IL5RA: variants seen among roughly 807,000 people sequenced by gnomAD.
IL5RA encodes interleukin-5 receptor subunit alpha.
IL5RA carries 49 observed loss-of-function variants against 50.0 expected under a neutral mutation model. The ratio of observed to expected loss-of-function variants is 0.98; its 90% CI spans 0.78 to 1.24. The LOEUF (loss-of-function observed/expected upper bound fraction) is 1.24. IL5RA is among the 50% of genes most tolerant of loss of function. The probability of loss-of-function intolerance (pLI) is 0.00; values close to 1 mark genes in which losing one functional copy is unlikely to be tolerated. For missense variants in IL5RA, 600 were observed against 500.4 expected (o/e 1.20, Z -1.90); for synonymous variants, 202 against 174.0 (o/e 1.16, Z -1.26).
At chr3:3,073,142 G>A (rs1271653424) in intron 11 of IL5RA, among the ~76,000 whole-genome samples, 1 of 152,190 alleles carries the variant, frequency 6.6e-6, no homozygotes, top group Non-Finnish European at 1.5e-5. Context: ...ACTTCAGTCA[G>A]CTAGTAACTG....
intron 11 of IL5RA, chr3:3,073,733 G>A (rs2125950417): frequency 2.3e-6 from 1 of 435,942 alleles, no homozygotes; most frequent in Non-Finnish European, 4.5e-6. Flanking sequence ...CAAATTAACT[G>A]ACAACTCAAC....
chr3:3,107,618 C>A (rs569910355), intron 2 of IL5RA, among the ~76,000 whole-genome samples: 1 of 144,532 alleles, frequency 6.9e-6, no homozygotes, highest in South Asian at 2.6e-4. Flanking sequence ...CAGAATGAAG[C>A]AACTATAGGT....
chr3:3,072,921 A>C (rs186376611), intron 11 of IL5RA, among the ~76,000 whole-genome samples: 1 of 152,254 alleles, frequency 6.6e-6, no homozygotes, highest in Non-Finnish European at 1.5e-5. Context: ...CAAACAAACA[A>C]AACCAGATGT....
chr3:3,074,914 T>A (rs756965599), intron 10 of IL5RA, 48 bp from the exon 11 acceptor site: 18 of 1,117,020 alleles, frequency 1.6e-5, no homozygotes, highest in Admixed American at 5.3e-5. Flanking sequence ...GTATACCTTT[T>A]GTCTCTAAAT....
intron 5 of IL5RA, among the ~76,000 whole-genome samples, chr3:3,099,680 T>TTATTA (rs1200858861): frequency 6.7e-6 from 1 of 149,574 alleles, no homozygotes; most frequent in Non-Finnish European, 1.5e-5. Flanking sequence ...ATTATTATTA[T>TTATTA]TATTATTTGG....
intron 3 of IL5RA, among the ~76,000 whole-genome samples, chr3:3,104,390 G>T (rs148584952): frequency 7.9e-5 from 12 of 152,146 alleles, no homozygotes; most frequent in Non-Finnish European, 1.0e-4. Flanking sequence ...TTTCAAGGGC[G>T]CAATAGTCAC....
chr3:3,085,892 G>A (rs749196150), intron 9 of IL5RA, among the ~76,000 whole-genome samples: 4 of 152,152 alleles, frequency 2.6e-5, no homozygotes, highest in Non-Finnish European at 4.4e-5. Flanking sequence ...TGTTTAAGGA[G>A]CTGTCTGCTG....
At chr3:3,074,586 T>C (rs1702413213) in intron 11 of IL5RA, among the ~76,000 whole-genome samples, 196 bp downstream of exon 11, 1 of 152,024 alleles carries the variant, frequency 6.6e-6, no homozygotes, top group Non-Finnish European at 1.5e-5. Context: ...CTGGACAACA[T>C]AGCAAGACCC....
In IL5RA at chr3:3,090,723, C is replaced by T. The variant is rs527382555; in HGVS notation, c.994+1501G>A. On this transcript the variant is annotated intron_variant, in intron 9 of 11. Transcript: ENST00000446632. ...CTGGGACTACAGGCGCCCGCCACCA[C>T]GCCCGGCTAATTTTTTGTTGTTGTA... Among the ~76,000 whole-genome samples the T allele has an allele frequency of 7.2e-5, 11 of 151,934 alleles. 1 individual carries two copies. The highest frequency in any genetic ancestry group is 7.2e-5 in the African/African-American group (3 of 41,428).
At chr3:3,109,192 A>G (rs1052392931) in intron 1 of IL5RA, among the ~76,000 whole-genome samples, 2 of 151,978 alleles carry the variant, frequency 1.3e-5, no homozygotes, top group Non-Finnish European at 2.9e-5. Context: ...ACATGGAAAT[A>G]TGCTTACCTT....
chr3:3,076,719 CT>C, intron 9 of IL5RA, 92 bp from the exon 10 acceptor site: 1 of 772,020 alleles, frequency 1.3e-6, no homozygotes, highest in Non-Finnish European at 2.1e-6. Context: ...CATCAGACAG[CT>C]CAGGTTTGAG....
At chr3:3,091,073 A>G (rs1703078197) in intron 9 of IL5RA, among the ~76,000 whole-genome samples, 1 of 152,192 alleles carries the variant, frequency 6.6e-6, no homozygotes, top group South Asian at 2.1e-4. Context: ...TTTGATCGTA[A>G]CATAAACAGT....
In IL5RA at chr3:3,110,361, T is replaced by C. The variant is rs955581916; in HGVS notation, c.-562A>G. ...TCCGTGGGTACTCTAAAGCGTTGCA[T>C]TTCTGTTTTGTTTATGTGCCTTGTT... On this transcript the variant is annotated 5_prime_UTR_variant, in exon 1 of 12. It removes an upstream start codon present in the reference 5' UTR. Transcript: ENST00000446632. 1.3e-5 allele frequency: 2 copies of C among 152,206 alleles called. No individual in the cohort carries two copies. Among genetic ancestry groups the C allele is most frequent in the African/African-American group, 4.8e-5 (2 of 41,444 alleles). 9.4% of individuals were successfully genotyped at this position (152,206 alleles called of 1,614,324 possible).
At chr3:3,087,121 A>G (rs868057130) in intron 9 of IL5RA, among the ~76,000 whole-genome samples, 1 of 152,166 alleles carries the variant, frequency 6.6e-6, no homozygotes, top group Non-Finnish European at 1.5e-5. Context: ...TATGATGTAA[A>G]CTATTTAGCT....
At chr3:3,082,289 G>A (rs983245459) in intron 9 of IL5RA, among the ~76,000 whole-genome samples, 1 of 152,126 alleles carries the variant, frequency 6.6e-6, no homozygotes, top group Admixed American at 6.5e-5. Flanking sequence ...AGTATTTCGA[G>A]GTAATTTGAC....
chr3:3,088,178 TAAA>T (rs1702946644), intron 9 of IL5RA, among the ~76,000 whole-genome samples: 2 of 152,142 alleles, frequency 1.3e-5, no homozygotes, highest in African/African-American at 4.8e-5. Context: ...AATAATAAAT[TAAA>T]AACAAGCTTA....
chr3:3,086,091 C>T (rs1464926686), intron 9 of IL5RA, among the ~76,000 whole-genome samples: 3 of 152,124 alleles, frequency 2.0e-5, no homozygotes, highest in Admixed American at 6.6e-5. Context: ...AAAACTCCAT[C>T]GTTTCTTTGA....
intron 1 of IL5RA, 94 bp from the exon 2 acceptor site, chr3:3,108,785 G>A (rs1015824850): frequency 1.3e-5 from 2 of 152,220 alleles, no homozygotes; most frequent in African/African-American, 4.8e-5. Flanking sequence ...AGAGCAGCAG[G>A]CTGGGGAGTG....
chr3:3,080,935 A>G (rs902954602), intron 9 of IL5RA, among the ~76,000 whole-genome samples: 4 of 152,270 alleles, frequency 2.6e-5, no homozygotes, highest in East Asian at 1.9e-4. Flanking sequence ...AACTCAGGCA[A>G]TTCTCCCACT....
Sources: allele counts gnomAD v4.1 joint callset (sites outside exome capture counted in the v4.1 genomes callset), GRCh38; gene constraint gnomAD v4.1.1; transcripts MANE v1.5; gene names NCBI Gene and HGNC (gene_info 2026-07-23, HGNC 2026-07-21).